Variants in SH3TC2 observed in about 807,000 individuals in gnomAD.
SH3TC2 encodes SH3 domain and tetratricopeptide repeat-containing protein 2.
A neutral mutation model predicts 124.5 loss-of-function variants in SH3TC2; 87 were observed. The observed-to-expected ratio is 0.70, with a 90% CI of 0.59 to 0.84. SH3TC2 has a LOEUF of 0.84. Ranked by LOEUF, SH3TC2 falls within the 40% of genes least tolerant of loss-of-function variation. The probability of loss-of-function intolerance (pLI) is 0.00; values close to 1 mark genes in which losing one functional copy is unlikely to be tolerated. For synonymous variants in SH3TC2, 634 were observed against 628.5 expected (o/e 1.01, Z -0.13); for missense variants, 1,536 against 1,566.4 (o/e 0.98, Z 0.33).
Position 148,987,818 on chromosome 5 carries a change from TGTG to T in SH3TC2, c.*16890_*16892del, listed in dbSNP as rs1753357934. On this transcript the variant is annotated 3_prime_UTR_variant, in exon 17 of 17. Transcript: ENST00000515425. ...AGGCCTCATTCAAAATCTGTGTGTG[TGTG>T]TGTGTGTGTGTGTGTGTGTGTGTGT... 7.2e-6 allele frequency among the ~76,000 whole-genome samples: 1 copy of T among 138,248 alleles called. No homozygotes were observed. The highest frequency in any genetic ancestry group is 1.6e-5 in the Non-Finnish European group (1 of 64,292). The allele number at this position is 138,248 out of a possible 152,430, so 90.7% of individuals were successfully genotyped here. A position where few individuals can be genotyped will look rare whatever the true frequency, so the allele number is the denominator to read the frequency against.
At chr5:149,021,402 G>A (rs546576484) in intron 12 of SH3TC2, among the ~76,000 whole-genome samples, 1 of 151,556 alleles carries the variant, frequency 6.6e-6, no homozygotes, top group Non-Finnish European at 1.5e-5. Flanking sequence ...TAAACCCAAA[G>A]CAAACAGAGG....
intron 7 of SH3TC2, among the ~76,000 whole-genome samples, chr5:149,040,265 T>G (rs1276022565): frequency 6.6e-6 from 1 of 152,218 alleles, no homozygotes; most frequent in Non-Finnish European, 1.5e-5. Flanking sequence ...CAGGCCGCAT[T>G]TGGCTCACGA....
chr5:149,038,312 A>T lies in SH3TC2; in HGVS notation c.984T>A (p.Pro328=). The change falls in exon 8 of 17, where the codon CCT becomes CCA. Residue 328 remains proline (P), a synonymous_variant. Coordinates refer to ENST00000515425, the MANE Select transcript of SH3TC2 (RefSeq NM_024577.4). The part of the protein sequence containing the change: ...VGFVPTRNID[P]DSYSPMSRNS... ...ATACTCACATTGGGGAATAAGAATC[A>T]GGATCTATGTTCCTGGTGGGGACAA... The T allele has an allele frequency of 6.2e-7, 1 of 1,614,098 alleles. No homozygotes were observed. Among genetic ancestry groups the T allele is most frequent in the Non-Finnish European group, 8.5e-7 (1 of 1,179,916 alleles).
In SH3TC2 at chr5:148,989,771, A is replaced by G. The variant is rs939095616; in HGVS notation, c.*14940T>C. On this transcript the variant is annotated 3_prime_UTR_variant, in exon 17 of 17. Transcript: ENST00000515425. The stretch of plus-strand genomic sequence containing the variant: ...ACCCAGGATAGAGTGAGTCACAGGG[A>G]CCCAAGAGCTTCAACAATCTGGTAT... Among the ~76,000 whole-genome samples the G allele has an allele frequency of 1.3e-5, 2 of 152,196 alleles. No homozygotes were observed. Among genetic ancestry groups the G allele is most frequent in the African/African-American group, 4.8e-5 (2 of 41,460 alleles).
rs931495206 is a variant in SH3TC2, at chr5:148,991,396, A to C, written c.*13315T>G. On this transcript the variant is annotated 3_prime_UTR_variant, in exon 17 of 17. Coordinates refer to ENST00000515425, the MANE Select transcript of SH3TC2 (RefSeq NM_024577.4). ...TAGCAACACAAACCATCCAGCCAGC[A>C]ATTAAATCTACAGTTCCCTCAACAA... is the stretch of plus-strand genomic sequence containing the variant. Among the ~76,000 whole-genome samples the C allele has an allele frequency of 2.6e-5, 4 of 152,194 alleles. No homozygotes were observed. The highest frequency in any genetic ancestry group is 5.9e-5 in the Non-Finnish European group (4 of 68,040).
intron 5 of SH3TC2, 102 bp from the exon 6 acceptor site, chr5:149,041,719 C>T (rs1754375639): frequency 3.8e-6 from 5 of 1,324,580 alleles, no homozygotes; most frequent in Non-Finnish European, 5.4e-6. Flanking sequence ...GAGTACTTTT[C>T]TTCCTGGAAG....
At chr5:149,056,288 A>C (rs1754646227) in intron 1 of SH3TC2, among the ~76,000 whole-genome samples, 1 of 152,012 alleles carries the variant, frequency 6.6e-6, no homozygotes, top group East Asian at 1.9e-4. Flanking sequence ...AGTAGATCCC[A>C]GTGTCTGTTG....
At chr5:149,022,963 G>A (rs2127395889) in intron 12 of SH3TC2, among the ~76,000 whole-genome samples, 1 of 152,322 alleles carries the variant, frequency 6.6e-6, no homozygotes, top group African/African-American at 2.4e-5. Flanking sequence ...TTAAATAGCA[G>A]TGATGGTTAC....
chr5:149,006,497 A>T (rs1282823907), intron 16 of SH3TC2, among the ~76,000 whole-genome samples: 2 of 152,184 alleles, frequency 1.3e-5, no homozygotes, highest in Non-Finnish European at 2.9e-5. Flanking sequence ...TTAAGTATTC[A>T]TTTTGATCTT....
In SH3TC2 at chr5:149,028,713, A is replaced by G; in HGVS notation, c.1141T>C (p.Phe381Leu). The change falls in exon 10 of 17, where the codon TTT becomes CTT. Residue 381 changes from phenylalanine to leucine, a missense_variant. Around this residue, in one of 3 missense-constraint regions of SH3TC2, gnomAD observed 1,102 missense variants for 1,098.6 expected, o/e 1.00. Coordinates refer to ENST00000515425, the MANE Select transcript of SH3TC2 (RefSeq NM_024577.4). ...DITSVYRLSG[F>L]ESIQNPPNDL... ...TTTGGAGGATTCTGGATGGATTCAA[A>G]CCCACCTAAGTAGAGATGAAGAACA... 6.2e-7 allele frequency: 1 copy of G among 1,614,094 alleles called. No homozygotes were observed. The highest frequency in any genetic ancestry group is 2.2e-5 in the East Asian group (1 of 44,868).
In SH3TC2 at chr5:148,987,027, C is replaced by A. The variant is rs1430541429; in HGVS notation, c.*17684G>T. Among the ~76,000 whole-genome samples, 2 of 152,210 alleles carry A rather than the reference C, an allele frequency of 1.3e-5. No homozygotes were observed. The highest frequency in any genetic ancestry group is 2.9e-5 in the Non-Finnish European group (2 of 68,038). The stretch of plus-strand genomic sequence containing the variant: ...GGAAAATGAAATATTAATTCCCCAG[C>A]TAATGTATTTCATGGTAGTTCATTG... On this transcript the variant is annotated 3_prime_UTR_variant, in exon 17 of 17. Coordinates refer to ENST00000515425, the MANE Select transcript of SH3TC2 (RefSeq NM_024577.4).
rs1186186294 is a variant in SH3TC2 at position 149,027,949 on chromosome 5, C to A, written c.1783G>T (p.Ala595Ser). 2 of 1,614,050 alleles carry A rather than the reference C, an allele frequency of 1.2e-6. No individual in the cohort carries two copies. Among genetic ancestry groups the A allele is most frequent in the South Asian group, 2.2e-5 (2 of 91,094 alleles). Residue 595 changes from alanine (A) to serine (S), a missense_variant, in exon 11 of 17, where the codon GCA becomes TCA. Physicochemically the swap from Ala to Ser is moderately conservative, Grantham distance 99. This residue lies in a region of SH3TC2 where 1,102 missense variants were observed against 1,098.6 expected (regional missense o/e 1.00). Transcript: ENST00000515425. ...RHKGSALLEK[A>S]GALLACLPDR... ...GGCAGGCAGGCCAGCAGGGCACCTG[C>A]CTTTTCCAACAGGGCGGAGCCTTTA... is the stretch of plus-strand genomic sequence containing the variant.
intron 13 of SH3TC2, among the ~76,000 whole-genome samples, chr5:149,011,096 C>T (rs916833457): frequency 2.0e-5 from 3 of 152,240 alleles, no homozygotes; most frequent in African/African-American, 7.2e-5. Flanking sequence ...TATACCACTG[C>T]ACCTGCAGCA....
chr5:149,039,450 A>C (rs770058035), intron 7 of SH3TC2, among the ~76,000 whole-genome samples: 44 of 152,150 alleles, frequency 2.9e-4, no homozygotes, highest in Non-Finnish European at 5.0e-4. Flanking sequence ...TATGTGCCTC[A>C]GTTTCCATAT....
chr5:148,984,419 A>T lies in SH3TC2; in HGVS notation c.*20292T>A, dbSNP rs557300348. 6.6e-6 allele frequency among the ~76,000 whole-genome samples: 1 copy of T among 152,320 alleles called. No homozygotes were observed. The highest frequency in any genetic ancestry group is 1.9e-4 in the East Asian group (1 of 5,188). ...TTTAAAAGGAACAAATGCCATATAA[A>T]TACCAACTCCACTTGACTTATAGTG... On this transcript the variant is annotated 3_prime_UTR_variant, in exon 17 of 17. Coordinates refer to ENST00000515425, the MANE Select transcript of SH3TC2 (RefSeq NM_024577.4).
rs1231682112 is a variant in SH3TC2 at position 148,994,888 on chromosome 5, T to C, written c.*9823A>G. On this transcript the variant is annotated 3_prime_UTR_variant, in exon 17 of 17. Coordinates refer to ENST00000515425, the MANE Select transcript of SH3TC2 (RefSeq NM_024577.4). Reference sequence around the variant, plus strand: ...ACTGACAGATACTCAAGGGCAAGGATGAGGTTTTTATCCACATCCCACAAT... The same window carrying C: ...ACTGACAGATACTCAAGGGCAAGGACGAGGTTTTTATCCACATCCCACAAT... Among the ~76,000 whole-genome samples the C allele has an allele frequency of 1.3e-5, 2 of 152,162 alleles. No individual in the cohort carries two copies. The highest frequency in any genetic ancestry group is 2.9e-5 in the Non-Finnish European group (2 of 68,026).
rs910296545 is a variant in SH3TC2 at position 148,997,798 on chromosome 5, C to T, written c.*6913G>A. Among the ~76,000 whole-genome samples the T allele has an allele frequency of 2.0e-5, 3 of 152,316 alleles. No homozygotes were observed. The highest frequency in any genetic ancestry group is 7.2e-5 in the African/African-American group (3 of 41,572). On this transcript the variant is annotated 3_prime_UTR_variant, in exon 17 of 17. Coordinates refer to ENST00000515425, the MANE Select transcript of SH3TC2 (RefSeq NM_024577.4). The stretch of plus-strand genomic sequence containing the variant: ...AGACAAGCCACATCAATTCTCTAAA[C>T]CTCAGTGGAGATAAAAATAATAGTA...
In SH3TC2 at chr5:149,052,578, C is replaced by T. The variant is rs138885100; in HGVS notation, c.53-338G>A. On this transcript the variant is annotated intron_variant, in intron 1 of 16. Coordinates refer to ENST00000515425, the MANE Select transcript of SH3TC2 (RefSeq NM_024577.4). ...CATCACAGATCTGACTACAGCAAGG[C>T]TTAAGGTTCAATAGGGGCAGATAAT... Among the ~76,000 whole-genome samples the T allele has an allele frequency of 2.4e-4, 37 of 152,220 alleles. No homozygotes were observed. In the East Asian group the frequency reaches 7.2e-3, roughly 29 times the overall value.
chr5:148,988,381 C>T lies in SH3TC2; in HGVS notation c.*16330G>A, dbSNP rs80295748. Among the ~76,000 whole-genome samples, 672 of 152,232 alleles carry T rather than the reference C, an allele frequency of 4.4e-3. 3 individuals are homozygous for T. The highest frequency in any genetic ancestry group is 0.016 in the African/African-American group (648 of 41,538). Reference sequence around the variant, plus strand: ...GCCATTGAGTAATCCCCTCCTATACCAGCTCTAGGCTGGCTTTGTATAACC... The same window carrying T: ...GCCATTGAGTAATCCCCTCCTATACTAGCTCTAGGCTGGCTTTGTATAACC... On this transcript the variant is annotated 3_prime_UTR_variant, in exon 17 of 17. Coordinates refer to ENST00000515425, the MANE Select transcript of SH3TC2 (RefSeq NM_024577.4).
Sources: gnomAD v4.1 joint callset for allele counts (sites outside exome capture counted in the v4.1 genomes callset) on GRCh38, gnomAD v4.1.1 for gene constraint, gnomAD v4.1.1 regional missense constraint, MANE v1.5 for transcripts, NCBI Gene and HGNC (gene_info 2026-07-23, HGNC 2026-07-21) for gene names.